ATP11A: variants seen among roughly 807,000 people sequenced by gnomAD.
ATP11A encodes the protein ATPase phospholipid transporting 11A, also known as phospholipid-transporting ATPase IH.
Under a neutral mutation model 154.4 loss-of-function variants are expected in ATP11A, and 81 were observed. The observed-to-expected ratio is 0.52, with a 90% confidence interval of 0.44 to 0.63. ATP11A has a LOEUF of 0.63. Among genes scored for constraint, ATP11A ranks in the 30% least tolerant of loss-of-function variants. The pLI is 0.00. For missense variants in ATP11A, 1,316 were observed against 1,474.3 expected, an observed-to-expected ratio of 0.89 and a Z score of 1.76; for synonymous variants, 623 against 585.9, an observed-to-expected ratio of 1.06 and a Z score of -0.91.
intron 1 of ATP11A, among the ~76,000 whole-genome samples, chr13:112,713,614 T>C (rs768251313): frequency 3.3e-5 from 5 of 152,218 alleles, no homozygotes; most frequent in Non-Finnish European, 5.9e-5. Flanking sequence ...AGGTGTCTGA[T>C]TCTTGTTTAA....
At position 112,886,838 on chromosome 13, in the gene ATP11A, A is replaced by G. The variant is rs2080987731; in HGVS notation, c.*4972A>G. 1 of 152,472 alleles carries G rather than the reference A, an allele frequency of 6.6e-6. No homozygotes were observed. 9.4% of individuals were successfully genotyped at this position (152,472 alleles called of 1,614,324 possible). ...CAAAAATGTATTTAACATGAATGGT[A>G]TCCATAGTTGTCATCATCATAAATA... On this transcript the variant is annotated 3_prime_UTR_variant, in exon 30 of 30. Transcript: ENST00000375645.
Position 112,774,984 on chromosome 13 carries a change from C to T in ATP11A, c.40-10151C>T, listed in dbSNP as rs974652047. Among the ~76,000 whole-genome samples, 7 of 152,336 alleles carry T rather than the reference C, an allele frequency of 4.6e-5. No homozygotes were observed. In the East Asian group the frequency reaches 9.6e-4, roughly 21 times the overall value. ...CCTGGGGAATGGAGGCTTTGTTGTT[C>T]GGTGGGTCCCACTTCATCGGGGTAG... On this transcript the variant is annotated intron_variant, in intron 1 of 29. Transcript: ENST00000375645.
chr13:112,738,754 C>T (rs1311136722), intron 1 of ATP11A, among the ~76,000 whole-genome samples: 1 of 151,510 alleles, frequency 6.6e-6, no homozygotes, highest in Non-Finnish European at 1.5e-5. Flanking sequence ...AGCCGTCAGC[C>T]GTGTTGTTTT....
intron 20 of ATP11A, among the ~76,000 whole-genome samples, chr13:112,857,304 A>G (rs2079959063): frequency 6.6e-6 from 1 of 152,248 alleles, no homozygotes; most frequent in Admixed American, 6.5e-5. Context: ...TAAAATTGTC[A>G]TATTTGATTT....
chr13:112,809,745 T>A (rs79219592), intron 4 of ATP11A, among the ~76,000 whole-genome samples: 1 of 152,130 alleles, frequency 6.6e-6, no homozygotes. Flanking sequence ...CCCATCCTTA[T>A]CTAAGGCACC....
At chr13:112,826,537 C>A (rs2078938741) in intron 11 of ATP11A, among the ~76,000 whole-genome samples, 157 bp from the exon 12 acceptor site, 2 of 151,104 alleles carry the variant, frequency 1.3e-5, no homozygotes, top group African/African-American at 5.0e-5. Context: ...CCAGTGGCTG[C>A]CTTCCGCCCA....
intron 2 of ATP11A, among the ~76,000 whole-genome samples, chr13:112,796,820 A>G (rs1486215710): frequency 6.6e-6 from 1 of 152,160 alleles, no homozygotes; most frequent in African/African-American, 2.4e-5. Context: ...CCCTAGCCAC[A>G]TCGGGGATTT....
rs981659274 is a variant in ATP11A, at chr13:112,855,568, G to A, written c.2244-343G>A. Among the ~76,000 whole-genome samples the A allele has an allele frequency of 7.7e-4, 117 of 152,294 alleles. 1 individual carries two copies. The highest frequency in any genetic ancestry group is 2.1e-3 in the South Asian group (10 of 4,824). Reference sequence around the variant, plus strand: ...CAGGCAGAAACCCAAGGACTTAGCTGTAAAGACTGTGACCAAGAAGGTTGA... The same window carrying A: ...CAGGCAGAAACCCAAGGACTTAGCTATAAAGACTGTGACCAAGAAGGTTGA... On this transcript the variant is annotated intron_variant, in intron 19 of 29. Transcript: ENST00000375645.
chr13:112,881,369 A>G (rs1286736457), intron 29 of ATP11A: 2 of 1,040,984 alleles, frequency 1.9e-6, no homozygotes, highest in Non-Finnish European at 2.3e-6. Context: ...TACTAAATCA[A>G]CCCGGTCCCT....
chr13:112,882,337 G>C lies in ATP11A; in HGVS notation c.*471G>C, dbSNP rs2080905978. 2.6e-6 allele frequency: 1 copy of C among 378,260 alleles called. No individual in the cohort carries two copies. Among genetic ancestry groups the C allele is most frequent in the Non-Finnish European group, 5.0e-6 (1 of 201,146 alleles). 23.4% of individuals were successfully genotyped at this position (378,260 alleles called of 1,614,324 possible). ...CATCATTGGCCTTTGCTGTCACTGGGAGAGAAGAGCCGTCCAGGGACCCAT... is the reference window on the plus strand; with the variant it reads ...CATCATTGGCCTTTGCTGTCACTGGCAGAGAAGAGCCGTCCAGGGACCCAT... On this transcript the variant is annotated 3_prime_UTR_variant, in exon 30 of 30. Coordinates refer to ENST00000375645, the MANE Select transcript of ATP11A (RefSeq NM_015205.3). This position sits in a 1 kb window ranked among gnomAD's most constrained non-coding sequence, Gnocchi z 5.1.
intron 1 of ATP11A, among the ~76,000 whole-genome samples, chr13:112,710,497 T>G (rs1349747693): frequency 6.6e-6 from 1 of 152,208 alleles, no homozygotes; most frequent in African/African-American, 2.4e-5. Context: ...TGAGGGCCCT[T>G]GGAGCCATCT....
chr13:112,795,178 G>A (rs955893407), intron 2 of ATP11A, among the ~76,000 whole-genome samples: 6 of 152,188 alleles, frequency 3.9e-5, no homozygotes, highest in Non-Finnish European at 8.8e-5. Flanking sequence ...CTGGGAGGCA[G>A]AGGTTGCAGT....
chr13:112,712,564 T>C (rs1201742135), intron 1 of ATP11A, among the ~76,000 whole-genome samples: 1 of 152,070 alleles, frequency 6.6e-6, no homozygotes, highest in South Asian at 2.1e-4. Flanking sequence ...AAGGACAGGC[T>C]TTTCTCTCTA....
chr13:112,745,313 C>T (rs1342272028), intron 1 of ATP11A: 1 of 152,282 alleles, frequency 6.6e-6, no homozygotes, highest in African/African-American at 2.4e-5. Context: ...GATTCACCCA[C>T]CTGGGCCTCC....
intron 1 of ATP11A, among the ~76,000 whole-genome samples, chr13:112,706,887 A>G (rs1013156937): frequency 6.6e-6 from 1 of 152,360 alleles, no homozygotes; most frequent in East Asian, 1.9e-4. Context: ...GCCACACATC[A>G]TTTTAATGTG....
chr13:112,716,762 T>C (rs995485771), intron 1 of ATP11A, among the ~76,000 whole-genome samples: 3 of 152,130 alleles, frequency 2.0e-5, no homozygotes, highest in African/African-American at 4.8e-5. Flanking sequence ...GGGCTCTGCG[T>C]GAGTGGGGCA....
intron 10 of ATP11A, among the ~76,000 whole-genome samples, chr13:112,825,182 G>C (rs987833717): frequency 2.0e-5 from 3 of 152,214 alleles, no homozygotes; most frequent in African/African-American, 7.2e-5. Context: ...GCTGTGAGCA[G>C]CCCTCTCTCT....
chr13:112,789,170 A>C (rs2077754938), intron 2 of ATP11A, among the ~76,000 whole-genome samples: 1 of 148,362 alleles, frequency 6.7e-6, no homozygotes, highest in Non-Finnish European at 1.5e-5. Flanking sequence ...TGATGTGTAG[A>C]CTCCTGTGGA....
At chr13:112,852,743 G>A (rs913660898) in intron 18 of ATP11A, among the ~76,000 whole-genome samples, 9 of 148,446 alleles carry the variant, frequency 6.1e-5, no homozygotes, top group African/African-American at 2.3e-4. Flanking sequence ...TGACTTGACT[G>A]GAATGGGAAT....
Sources: allele counts gnomAD v4.1 joint callset (sites outside exome capture counted in the v4.1 genomes callset), GRCh38; gene constraint gnomAD v4.1.1; non-coding constraint Gnocchi (gnomAD v3.1); transcripts MANE v1.5; gene names NCBI Gene and HGNC (gene_info 2026-07-23, HGNC 2026-07-21).